The following CFTR variants were observed in gnomAD, a reference collection of about 807,000 sequenced individuals.
CFTR encodes CF transmembrane conductance regulator.
A neutral mutation model predicts 171.6 loss-of-function variants in CFTR; 181 were observed. That is an observed-to-expected ratio of 1.05 (90% confidence interval 0.93 to 1.19). The LOEUF (loss-of-function observed/expected upper bound fraction) is 1.19, where lower values mean the gene tolerates loss of function less well. CFTR is among the 50% of genes most tolerant of loss of function. CFTR has a pLI of 0.00. For missense variants in CFTR, 1,968 were observed against 1,734.7 expected, an observed-to-expected ratio of 1.13 and a Z score of -2.39; for synonymous variants, 583 against 608.0, an observed-to-expected ratio of 0.96 and a Z score of 0.60.
At chr7:117,591,889 AAAGT>A in intron 13 of CFTR, 41 bp from the exon 14 acceptor site, 1 of 1,226,522 alleles carries the variant, frequency 8.2e-7, no homozygotes. Context: ...ATATTGCAAT[AAAGT>A]ATTTATAAAA....
Position 117,592,038 on chromosome 7 carries a change from G to A in CFTR, c.1871G>A (p.Ser624Asn). 1 of 1,604,846 alleles carries A rather than the reference G, an allele frequency of 6.2e-7. No homozygotes were observed. Among genetic ancestry groups the A allele is most frequent in the Non-Finnish European group, 8.5e-7 (1 of 1,176,682 alleles). Reference protein sequence around the residue: ...DKILILHEGSSYFYGTFSELQ... With the variant: ...DKILILHEGSNYFYGTFSELQ... ...ATATTAATTTTGCATGAAGGTAGCA[G>A]CTATTTTTATGGGACATTTTCAGAA... Residue 624 changes from serine (S) to asparagine (N), a missense_variant, in exon 14 of 27, where the codon AGC becomes AAC. Coordinates refer to ENST00000003084, the MANE Select transcript of CFTR (RefSeq NM_000492.4).
chr7:117,483,522 TAA>T (rs892165755), intron 1 of CFTR, among the ~76,000 whole-genome samples: 1 of 150,720 alleles, frequency 6.6e-6, no homozygotes, highest in East Asian at 1.9e-4. Context: ...GTGTTTTCAT[TAA>T]AAAAAAATGC....
chr7:117,603,538 T>C lies in CFTR; in HGVS notation c.2664T>C (p.Pro888=). 1 of 1,613,946 alleles carries C rather than the reference T, an allele frequency of 6.2e-7. No homozygotes were observed. The highest frequency in any genetic ancestry group is 8.5e-7 in the Non-Finnish European group (1 of 1,179,886). Residue 888 remains proline, a synonymous_variant, in exon 17 of 27, where the codon CCT becomes CCC. Transcript: ENST00000003084. The part of the protein sequence containing the change: ...LVVLWLLGNT[P]LQDKGNSTHS... ...TTTCCTATTTGCTTTACAGCACTCC[T>C]CTTCAAGACAAAGGGAATAGTACTC... is the stretch of plus-strand genomic sequence containing the variant.
chr7:117,552,475 A>G (rs1799288541), intron 10 of CFTR, among the ~76,000 whole-genome samples: 1 of 152,174 alleles, frequency 6.6e-6, no homozygotes, highest in Admixed American at 6.5e-5. Flanking sequence ...TACTGAAACA[A>G]ACATCAAAAA....
Position 117,612,014 on chromosome 7 carries a change from T to A in CFTR, c.3367+206T>A, listed in dbSNP as rs1405501829. Among the ~76,000 whole-genome samples, 395 of 45,866 alleles carry A rather than the reference T, an allele frequency of 8.6e-3. 5 individuals are homozygous for A. The highest frequency in any genetic ancestry group is 0.011 in the Non-Finnish European group (287 of 26,032). The allele number at this position is 45,866 out of a possible 152,430, so 30.1% of individuals were successfully genotyped here. ...TAATTTCCTTGAAATCGGATATATATATATATATGTATATATATATATATA... is the reference window on the plus strand; with the variant it reads ...TAATTTCCTTGAAATCGGATATATAAATATATATGTATATATATATATATA... On this transcript the variant is annotated intron_variant, in intron 20 of 26. Coordinates refer to ENST00000003084, the MANE Select transcript of CFTR (RefSeq NM_000492.4).
At chr7:117,652,148 G>A (rs1793098459) in intron 23 of CFTR, among the ~76,000 whole-genome samples, 1 of 152,164 alleles carries the variant, frequency 6.6e-6, no homozygotes, top group Non-Finnish European at 1.5e-5. Flanking sequence ...GATCTGGTAA[G>A]TAGATGTTTC....
At chr7:117,590,471 T>A in intron 13 of CFTR, 32 bp downstream of exon 13, 1 of 1,586,102 alleles carries the variant, frequency 6.3e-7, no homozygotes, top group African/African-American at 1.3e-5. Context: ...CTTATAATGC[T>A]CATGCTAAAA....
chr7:117,530,940 C>T lies in CFTR; in HGVS notation c.315C>T (p.Ile105=). Residue 105 remains isoleucine (I), a synonymous_variant, in exon 4 of 27, where the codon ATC becomes ATT. Transcript: ENST00000003084. ...KAVQPLLLGR[I]IASYDPDNKE... is the part of the protein sequence containing the mutation. ...TACAGCCTCTCTTACTGGGAAGAATCATAGCTTCCTATGACCCGGATAACA... is the reference window on the plus strand; with the variant it reads ...TACAGCCTCTCTTACTGGGAAGAATTATAGCTTCCTATGACCCGGATAACA... The T allele has an allele frequency of 1.2e-6, 2 of 1,613,714 alleles. No individual in the cohort carries two copies. The highest frequency in any genetic ancestry group is 1.7e-6 in the Non-Finnish European group (2 of 1,179,774).
intron 15 of CFTR, among the ~76,000 whole-genome samples, chr7:117,600,293 A>T (rs1244147957): frequency 6.6e-6 from 1 of 152,016 alleles, no homozygotes; most frequent in Non-Finnish European, 1.5e-5. Flanking sequence ...AAAATCTATT[A>T]TGTTAATTCT....
intron 1 of CFTR, among the ~76,000 whole-genome samples, chr7:117,501,768 AAAAG>A (rs1562881984): frequency 1.3e-5 from 2 of 148,748 alleles, no homozygotes; most frequent in East Asian, 2.0e-4. Flanking sequence ...AAAAAAAAAA[AAAAG>A]AAACAAAAAA....
chr7:117,628,407 G>C (rs1269881218), intron 22 of CFTR, among the ~76,000 whole-genome samples: 2 of 151,984 alleles, frequency 1.3e-5, no homozygotes, highest in Non-Finnish European at 2.9e-5. Context: ...TATACTTCAG[G>C]CTCCATAAAC....
intron 11 of CFTR, among the ~76,000 whole-genome samples, chr7:117,583,979 T>C (rs375195117): frequency 1.3e-5 from 2 of 152,074 alleles, no homozygotes; most frequent in East Asian, 3.9e-4. Context: ...TCTTGAGAAT[T>C]ATCTATTCTG....
chr7:117,490,201 C>A (rs1798135418), intron 1 of CFTR, among the ~76,000 whole-genome samples: 1 of 151,848 alleles, frequency 6.6e-6, no homozygotes, highest in Non-Finnish European at 1.5e-5. Flanking sequence ...CTCGTCAGTA[C>A]AATGAGTTAT....
chr7:117,627,695 T>A lies in CFTR; in HGVS notation c.3642T>A (p.Asp1214Glu), dbSNP rs1584830230. The change falls in exon 22 of 27, where the codon GAT becomes GAA. Residue 1214 changes from aspartate (D) to glutamate (E), a missense_variant. Asp to Glu is a conservative substitution (Grantham distance 45). Coordinates refer to ENST00000003084, the MANE Select transcript of CFTR (RefSeq NM_000492.4). Reference sequence around the variant, plus strand: ...CAGGGGGCCAAATGACTGTCAAAGATCTCACAGCAAAATACACAGAAGGTG... The same window carrying A: ...CAGGGGGCCAAATGACTGTCAAAGAACTCACAGCAAAATACACAGAAGGTG... ...WPSGGQMTVK[D>E]LTAKYTEGGN... 1 of 1,613,126 alleles carries A rather than the reference T, an allele frequency of 6.2e-7. No homozygotes were observed. Among genetic ancestry groups the A allele is most frequent in the Admixed American group, 1.7e-5 (1 of 59,926 alleles).
At chr7:117,491,777 T>G (rs1458648413) in intron 1 of CFTR, among the ~76,000 whole-genome samples, 2 of 152,080 alleles carry the variant, frequency 1.3e-5, no homozygotes, top group Non-Finnish European at 2.9e-5. Context: ...TATCTCTAAA[T>G]AAGGTCACAT....
At chr7:117,621,636 A>C (rs1792582448) in intron 21 of CFTR, among the ~76,000 whole-genome samples, 1 of 152,240 alleles carries the variant, frequency 6.6e-6, no homozygotes, top group African/African-American at 2.4e-5. Flanking sequence ...TTTGGGGAAG[A>C]CATAATATTG....
At position 117,535,278 on chromosome 7, in the gene CFTR, G is replaced by T. The variant is rs748026786; in HGVS notation, c.610G>T (p.Ala204Ser). 6 of 1,612,264 alleles carry T rather than the reference G, an allele frequency of 3.7e-6. No homozygotes were observed. In the South Asian group the frequency reaches 6.6e-5, roughly 18 times the overall value. Residue 204 changes from alanine (A) to serine (S), a missense_variant, in exon 6 of 27, where the codon GCT (alanine) becomes TCT (serine). Coordinates refer to ENST00000003084, the MANE Select transcript of CFTR (RefSeq NM_000492.4). Reference sequence around the variant, plus strand: ...TGCATTGGCACATTTCGTGTGGATCGCTCCTTTGCAAGTGGCACTCCTCAT... The same window carrying T: ...TGCATTGGCACATTTCGTGTGGATCTCTCCTTTGCAAGTGGCACTCCTCAT... ...GLALAHFVWIAPLQVALLMGL... is the reference protein window; with the variant it reads ...GLALAHFVWISPLQVALLMGL...
chr7:117,646,485 A>C (rs1380326089), intron 23 of CFTR, among the ~76,000 whole-genome samples: 2 of 152,106 alleles, frequency 1.3e-5, no homozygotes, highest in African/African-American at 4.8e-5. Flanking sequence ...CTAAGATGAG[A>C]ACTAGAAAAA....
intron 11 of CFTR, among the ~76,000 whole-genome samples, chr7:117,582,093 T>C (rs537318211): frequency 8.5e-5 from 13 of 152,328 alleles, no homozygotes; most frequent in Admixed American, 7.2e-4. Flanking sequence ...TCCACTTGGA[T>C]TGTTACATTT....
Sources: allele counts gnomAD v4.1 joint callset (sites outside exome capture counted in the v4.1 genomes callset), GRCh38; gene constraint gnomAD v4.1.1; transcripts MANE v1.5; gene names NCBI Gene and HGNC (gene_info 2026-07-23, HGNC 2026-07-21).